PUDP: variants seen among roughly 807,000 people sequenced by gnomAD.
PUDP encodes pseudouridine 5'-phosphatase, also known as pseudouridine-5'-phosphatase.
A neutral mutation model predicts 9.4 loss-of-function variants in PUDP; 8 were observed. The ratio of observed to expected loss-of-function variants is 0.85; its 90% CI spans 0.50 to 1.53. The LOEUF is 1.53. PUDP is among the 40% of genes most tolerant of loss of function. The pLI is 0.00. For missense variants in PUDP, 188 were observed against 189.7 expected (o/e 0.99, Z 0.05); for synonymous variants, 99 against 80.7 (o/e 1.23, Z -1.22).
intron 1 of PUDP, among the ~76,000 whole-genome samples, chrX:6,714,424 C>T (rs1227745113): frequency 2.7e-5 from 3 of 110,950 alleles, no homozygotes; most frequent in Non-Finnish European, 3.8e-5. Context: ...ACACAAACGA[C>T]GGAGGATACA....
At chrX:7,111,339 G>C (rs1193197928) in intron 1 of PUDP, among the ~76,000 whole-genome samples, 7 of 111,440 alleles carry the variant, frequency 6.3e-5, no homozygotes, top group Non-Finnish European at 1.1e-4. Flanking sequence ...GTTCATACAA[G>C]ACCTAGGGCT....
chrX:6,877,783 A>G (rs12689778), intron 3 of PUDP, among the ~76,000 whole-genome samples: 10,303 of 111,164 alleles, frequency 0.093, 604 homozygotes, highest in East Asian at 0.46. Context: ...AGCTTTTTAA[A>G]ATAAAGGTCT....
At chrX:6,937,105 T>C (rs1158484748) in intron 3 of PUDP, among the ~76,000 whole-genome samples, 1 of 103,023 alleles carries the variant, frequency 9.7e-6, no homozygotes, top group Non-Finnish European at 2.0e-5. Flanking sequence ...TACCAATGAC[T>C]TTCTTCACAG....
At chrX:6,760,476 A>G (rs975168841) in intron 3 of PUDP, among the ~76,000 whole-genome samples, 1 of 112,191 alleles carries the variant, frequency 8.9e-6, no homozygotes, top group Non-Finnish European at 1.9e-5. Context: ...GGTGGGGTTC[A>G]TGGGAATCTA....
intron 3 of PUDP, among the ~76,000 whole-genome samples, chrX:6,761,021 T>C (rs1331856999): frequency 3.2e-5 from 1 of 31,323 alleles, no homozygotes; most frequent in African/African-American, 8.2e-5. Context: ...AGAAAGTTAG[T>C]GTTTGTTTGT....
intron 3 of PUDP, among the ~76,000 whole-genome samples, chrX:6,900,326 TGG>T (rs55900364): frequency 8.6e-5 from 7 of 81,592 alleles, no homozygotes; most frequent in Admixed American, 1.3e-4. Flanking sequence ...TGTCACCACT[TGG>T]GGGGGGGGGC....
At chrX:7,115,233 G>A (rs1932161873) in intron 1 of PUDP, among the ~76,000 whole-genome samples, 1 of 112,104 alleles carries the variant, frequency 8.9e-6, no homozygotes, top group African/African-American at 3.2e-5. Flanking sequence ...CAACTTAATG[G>A]AACATACCAT....
intron 1 of PUDP, among the ~76,000 whole-genome samples, chrX:7,109,986 C>CTG (rs1931994792): frequency 8.9e-6 from 1 of 112,144 alleles, no homozygotes; most frequent in Non-Finnish European, 1.9e-5. Context: ...CCCCTCCTCC[C>CTG]AGCTGGAATC....
intron 1 of PUDP, among the ~76,000 whole-genome samples, chrX:6,995,417 T>A (rs761549599): frequency 9.0e-6 from 1 of 111,452 alleles, no homozygotes; most frequent in African/African-American, 3.3e-5. Flanking sequence ...CAGAATGAGG[T>A]AAGGGATCTA....
chrX:7,047,029 T>A (rs1340304495), downstream of PUDP, among the ~76,000 whole-genome samples: 1 of 112,007 alleles, frequency 8.9e-6, no homozygotes, highest in African/African-American at 3.3e-5. Flanking sequence ...AAGGACTCTG[T>A]GAGAAGCCCC....
intron 3 of PUDP, among the ~76,000 whole-genome samples, chrX:6,765,902 A>G (rs1405543500): frequency 8.9e-6 from 1 of 111,834 alleles, no homozygotes; most frequent in Non-Finnish European, 1.9e-5. Context: ...TGAAGGCCAA[A>G]CGGGGTAAAT....
Position 7,132,940 on chromosome X carries a change from T to C in PUDP, c.61+15113A>G, listed in dbSNP as rs1311331749. On this transcript the variant is annotated intron_variant, in intron 1 of 3. Coordinates refer to ENST00000381077, the MANE Select transcript of PUDP (RefSeq NM_012080.5). The stretch of plus-strand genomic sequence containing the variant: ...GGTAAAGGTTCTCAGTAAATATTGC[T>C]ATTAGATCAGAAAAAAGCCTGAAAG... Among the ~76,000 whole-genome samples the C allele has an allele frequency of 7.2e-5, 8 of 111,621 alleles. No homozygotes were observed. In the Admixed American group the frequency reaches 7.6e-4, roughly 11 times the overall value.
intron 3 of PUDP, among the ~76,000 whole-genome samples, chrX:6,913,461 A>T (rs762464162): frequency 8.9e-6 from 1 of 112,049 alleles, no homozygotes; most frequent in East Asian, 2.8e-4. Flanking sequence ...TCCAAGTCCT[A>T]ATTTCACCAT....
intron 3 of PUDP, among the ~76,000 whole-genome samples, chrX:6,837,444 C>T (rs1323215735): frequency 1.8e-5 from 2 of 112,794 alleles, no homozygotes; most frequent in African/African-American, 6.4e-5. Flanking sequence ...ACTTTTGTCG[C>T]ACTTGGGAAA....
At chrX:6,866,451 A>G (rs761839950) in intron 3 of PUDP, among the ~76,000 whole-genome samples, 95 of 111,599 alleles carry the variant, frequency 8.5e-4, no homozygotes, top group Non-Finnish European at 1.6e-3. Context: ...AATAAAGAGA[A>G]TTCATTTCAC....
chrX:6,891,500 T>G (rs1459350890), intron 3 of PUDP, among the ~76,000 whole-genome samples: 1 of 112,200 alleles, frequency 8.9e-6, no homozygotes, highest in Non-Finnish European at 1.9e-5. Context: ...ATTTGATAGC[T>G]GAATCATTGC....
At chrX:6,929,690 A>C (rs925069088) in intron 3 of PUDP, among the ~76,000 whole-genome samples, 1 of 112,180 alleles carries the variant, frequency 8.9e-6, no homozygotes, top group Non-Finnish European at 1.9e-5. Context: ...TTAACTTCGG[A>C]ATGCCCTTGG....
intron 2 of PUDP, among the ~76,000 whole-genome samples, chrX:7,097,195 G>C (rs1350285003): frequency 9.0e-6 from 1 of 111,682 alleles, no homozygotes; most frequent in African/African-American, 3.3e-5. Flanking sequence ...CCAAGTGCAG[G>C]TTGCATTCTG....
At chrX:7,005,828 C>G (rs1202474997) in intron 1 of PUDP, among the ~76,000 whole-genome samples, 1 of 111,270 alleles carries the variant, frequency 9.0e-6, no homozygotes, top group East Asian at 2.8e-4. Flanking sequence ...TCCATGAACA[C>G]TAACTCCTCA....
Sources: allele counts gnomAD v4.1 joint callset (sites outside exome capture counted in the v4.1 genomes callset), GRCh38; gene constraint gnomAD v4.1.1; transcripts MANE v1.5; gene names NCBI Gene and HGNC (gene_info 2026-07-23, HGNC 2026-07-21).